The following PACRG variants were observed in gnomAD, a reference collection of about 807,000 sequenced individuals.
PACRG encodes the protein parkin coregulated gene protein.
PACRG carries 29 observed loss-of-function variants against 29.7 expected under a neutral mutation model. The observed-to-expected ratio is 0.98, with a 90% confidence interval of 0.73 to 1.33. The LOEUF is 1.33. Ranked by LOEUF, PACRG falls within the 40% of genes most tolerant of loss-of-function variation. PACRG has a pLI of 0.00. For synonymous variants in PACRG, 116 were observed against 118.7 expected (o/e 0.98, Z 0.15); for missense variants, 279 against 316.2 (o/e 0.88, Z 0.89).
chr6:162,975,816 TCCTTCCTC>T (rs958366697), intron 2 of PACRG, among the ~76,000 whole-genome samples: 5 of 151,672 alleles, frequency 3.3e-5, no homozygotes, highest in Non-Finnish European at 5.9e-5. Flanking sequence ...CTTCTTGCCT[TCCTTCCTC>T]CCTTCCTCCC....
At chr6:162,989,129 T>C (rs1803179435) in intron 2 of PACRG, among the ~76,000 whole-genome samples, 1 of 152,094 alleles carries the variant, frequency 6.6e-6, no homozygotes, top group Non-Finnish European at 1.5e-5. Flanking sequence ...CAGATTAAGA[T>C]TTCAGGTGGA....
chr6:163,308,665 C>CAAAAAAAAA lies in PACRG; in HGVS notation c.614-6156_614-6148dup, dbSNP rs34275762. ...TGGACCACAGAGTGAGGCTCCGTCT[C>CAAAAAAAAA]AAAAAAAAAAAAAAGGAAAATTTAT... On this transcript the variant is annotated intron_variant, in intron 4 of 4. Transcript: ENST00000366888. 1.5e-3 allele frequency among the ~76,000 whole-genome samples: 192 copies of CAAAAAAAAA among 131,352 alleles called. 1 individual carries two copies. Among genetic ancestry groups the CAAAAAAAAA allele is most frequent in the Non-Finnish European group, 2.5e-3 (147 of 59,278 alleles). 86.2% of individuals were successfully genotyped at this position (131,352 alleles called of 152,430 possible).
chr6:162,811,301 G>A (rs1177348293), intron 1 of PACRG, among the ~76,000 whole-genome samples: 3 of 152,130 alleles, frequency 2.0e-5, no homozygotes, highest in East Asian at 3.9e-4. Flanking sequence ...AATGAAGAAT[G>A]GATATCTTGA....
chr6:162,736,982 G>T (rs1043215772), intron 1 of PACRG, among the ~76,000 whole-genome samples: 7 of 151,952 alleles, frequency 4.6e-5, no homozygotes, highest in Non-Finnish European at 1.5e-5. Flanking sequence ...GTATACATAG[G>T]GTTGAAATTA....
intron 2 of PACRG, among the ~76,000 whole-genome samples, chr6:162,919,552 G>T (rs559614720): frequency 6.6e-6 from 1 of 152,326 alleles, no homozygotes; most frequent in African/African-American, 2.4e-5. Flanking sequence ...TTAGAGGCAA[G>T]TAGCAACCCA....
At chr6:162,787,580 G>GTATCTATA (rs746185048) in intron 1 of PACRG, among the ~76,000 whole-genome samples, 4,330 of 68,674 alleles carry the variant, frequency 0.063, 281 homozygotes, top group East Asian at 0.11. Context: ...GTGTGTGTGT[G>GTATCTATA]TGTATATATA....
At chr6:163,172,508 G>T (rs544010383) in intron 4 of PACRG, among the ~76,000 whole-genome samples, 14 of 152,350 alleles carry the variant, frequency 9.2e-5, no homozygotes, top group African/African-American at 3.4e-4. Context: ...ATGCATGCAC[G>T]CACACATACA....
At chr6:163,037,863 C>G (rs934692953) in intron 2 of PACRG, among the ~76,000 whole-genome samples, 1 of 152,204 alleles carries the variant, frequency 6.6e-6, no homozygotes, top group Non-Finnish European at 1.5e-5. Flanking sequence ...GAGGCACTCC[C>G]TCTGGCTTCC....
chr6:163,142,487 C>T lies in PACRG; in HGVS notation c.613+53079C>T, dbSNP rs547736497. Among the ~76,000 whole-genome samples the T allele has an allele frequency of 6.6e-5, 10 of 152,182 alleles. No homozygotes were observed. The South Asian group carries it at 1.7e-3, about 25-fold the overall frequency. On this transcript the variant is annotated intron_variant, in intron 4 of 4. Transcript: ENST00000366888. Reference sequence around the variant, plus strand: ...ATGAATAAGTAATCAAAAGCTTCCCCACCAAAAAGAAGTCACATACCCAGT... The same window carrying T: ...ATGAATAAGTAATCAAAAGCTTCCCTACCAAAAAGAAGTCACATACCCAGT...
intron 4 of PACRG, among the ~76,000 whole-genome samples, chr6:163,187,233 G>A (rs1487504194): frequency 2.0e-5 from 3 of 152,116 alleles, no homozygotes; most frequent in Admixed American, 2.0e-4. Context: ...CTCCTCCGTT[G>A]TATGCCCAAC....
At chr6:163,250,114 A>G (rs1357964372) in intron 4 of PACRG, among the ~76,000 whole-genome samples, 3 of 152,368 alleles carry the variant, frequency 2.0e-5, no homozygotes, top group Non-Finnish European at 4.4e-5. Flanking sequence ...TGTCCATTGC[A>G]GGAAACAACA....
In PACRG at chr6:162,760,861, C is replaced by A. The variant is rs151199977; in HGVS notation, c.156+32470C>A. ...TGTGCTCTGTGGTGAAACAGGGAGA[C>A]CAGTTAGGAGGATTTTTGCAGTGGT... On this transcript the variant is annotated intron_variant, in intron 1 of 4. Transcript: ENST00000366888. Among the ~76,000 whole-genome samples the A allele has an allele frequency of 3.5e-3, 535 of 152,104 alleles. 3 individuals are homozygous for A. The highest frequency in any genetic ancestry group is 0.012 in the African/African-American group (501 of 41,498).
intron 2 of PACRG, among the ~76,000 whole-genome samples, chr6:163,005,408 C>T (rs919335678): frequency 6.6e-5 from 10 of 151,906 alleles, no homozygotes; most frequent in African/African-American, 2.4e-4. Context: ...TGACTTCAGA[C>T]CTTTCTTCTT....
At chr6:163,164,376 C>T (rs1242514699) in intron 4 of PACRG, among the ~76,000 whole-genome samples, 1 of 152,166 alleles carries the variant, frequency 6.6e-6, no homozygotes, top group Non-Finnish European at 1.5e-5. Context: ...TCTACGTTGG[C>T]CTCTAAACTA....
intron 2 of PACRG, among the ~76,000 whole-genome samples, chr6:163,022,350 G>T (rs1454236290): frequency 6.6e-6 from 1 of 152,186 alleles, no homozygotes; most frequent in Non-Finnish European, 1.5e-5. Flanking sequence ...AGTGTCTCTG[G>T]CTGAGCTCTT....
chr6:162,778,744 T>C (rs1783847436), intron 1 of PACRG, among the ~76,000 whole-genome samples: 1 of 152,218 alleles, frequency 6.6e-6, no homozygotes, highest in Non-Finnish European at 1.5e-5. Context: ...AGAAGCTCCT[T>C]AGTTCCTAAT....
chr6:163,300,394 G>A (rs1234707603), intron 4 of PACRG, among the ~76,000 whole-genome samples: 4 of 152,230 alleles, frequency 2.6e-5, no homozygotes, highest in East Asian at 1.9e-4. Flanking sequence ...AGAGGCCAAC[G>A]TAGCAATCTA....
upstream of PACRG, chr6:162,727,283 A>AGGGGTGAAGGTGAGGGGCGGCGGC (rs112041767): frequency 1.1e-5 from 3 of 265,972 alleles, no homozygotes; most frequent in Non-Finnish European, 2.1e-5. Context: ...CAGTGAGGTG[A>AGGGGTGAAGGTGAGGGGCGGCGGC]GGGGCGAAGG....
chr6:163,013,197 A>T (rs909968826), intron 2 of PACRG, among the ~76,000 whole-genome samples: 4 of 151,972 alleles, frequency 2.6e-5, no homozygotes, highest in Non-Finnish European at 5.9e-5. Flanking sequence ...TGTGATTTAC[A>T]TTAGATTTCT....
Sources: allele counts gnomAD v4.1 joint callset (sites outside exome capture counted in the v4.1 genomes callset), GRCh38; gene constraint gnomAD v4.1.1; transcripts MANE v1.5; gene names NCBI Gene and HGNC (gene_info 2026-07-23, HGNC 2026-07-21).